MAGI1: variants seen among roughly 807,000 people sequenced by gnomAD.
The protein encoded by MAGI1 is membrane associated guanylate kinase, WW and PDZ domain containing 1, also known as membrane-associated guanylate kinase, WW and PDZ domain-containing protein 1.
MAGI1 carries 58 observed loss-of-function variants against 139.9 expected under a neutral mutation model. That is an observed-to-expected ratio of 0.41 (90% CI 0.34 to 0.52). The LOEUF (loss-of-function observed/expected upper bound fraction) is 0.52. MAGI1 is among the 20% of genes least tolerant of loss of function. The pLI is 0.12. For missense variants in MAGI1, 1,874 were observed against 1,901.6 expected, an observed-to-expected ratio of 0.99 and a Z score of 0.27; for synonymous variants, 812 against 737.9, an observed-to-expected ratio of 1.10 and a Z score of -1.63.
intron 3 of MAGI1, among the ~76,000 whole-genome samples, chr3:65,483,717 T>C (rs1404565071): frequency 6.6e-6 from 1 of 152,196 alleles, no homozygotes; most frequent in Non-Finnish European, 1.5e-5. Context: ...TTTTCAGAAC[T>C]GGTTCTACAA....
rs71102860 is a variant in MAGI1, at chr3:65,468,367, C to CT, written c.959+1915dup. On this transcript the variant is annotated intron_variant, in intron 5 of 22. Transcript: ENST00000402939. ...CGGGTAGATTCTCAAAGAGGGTATTCTTTTTTTTTTTTTTTTTTTTTTTTT... is the reference window on the plus strand; with the variant it reads ...CGGGTAGATTCTCAAAGAGGGTATTCTTTTTTTTTTTTTTTTTTTTTTTTTT... Among the ~76,000 whole-genome samples the CT allele has an allele frequency of 3.1e-3, 189 of 61,376 alleles. 18 individuals carry two copies. The highest frequency in any genetic ancestry group is 0.013 in the African/African-American group (182 of 14,538). The allele number at this position is 61,376 out of a possible 152,430, so 40.3% of individuals were successfully genotyped here. A position where few individuals can be genotyped will look rare whatever the true frequency, so the allele number is the denominator to read the frequency against.
At chr3:65,949,185 A>C (rs2063678830) in intron 1 of MAGI1, among the ~76,000 whole-genome samples, 1 of 152,224 alleles carries the variant, frequency 6.6e-6, no homozygotes, top group Non-Finnish European at 1.5e-5. Context: ...CACGTGTCAT[A>C]TCAGAAACCT....
rs566777094 is a variant in MAGI1, at chr3:65,905,744, A to G, written c.313+132252T>C. 2.0e-5 allele frequency among the ~76,000 whole-genome samples: 3 copies of G among 152,334 alleles called. No homozygotes were observed. The East Asian group carries it at 5.8e-4, about 29-fold the overall frequency. On this transcript the variant is annotated intron_variant, in intron 1 of 22. Transcript: ENST00000402939. Reference sequence around the variant, plus strand: ...CAGGTCTACAGAGCAAATTTAGAGTACACTACTCAGAAGTTACAGAAAAAG... The same window carrying G: ...CAGGTCTACAGAGCAAATTTAGAGTGCACTACTCAGAAGTTACAGAAAAAG...
At chr3:65,633,917 G>A (rs982450988) in intron 1 of MAGI1, among the ~76,000 whole-genome samples, 20 of 152,180 alleles carry the variant, frequency 1.3e-4, no homozygotes, top group Non-Finnish European at 2.4e-4. Flanking sequence ...AAAGATACGG[G>A]TGTCTGTGCC....
intron 1 of MAGI1, among the ~76,000 whole-genome samples, chr3:65,880,920 T>TGTGTGTGTGTGTGG (rs1047189746): frequency 6.6e-6 from 1 of 151,926 alleles, no homozygotes; most frequent in African/African-American, 2.4e-5. Context: ...TGTGTGTGTG[T>TGTGTGTGTGTGTGG]GTGTGTGTGT....
chr3:65,807,419 C>A (rs2040931985), intron 1 of MAGI1, among the ~76,000 whole-genome samples: 1 of 152,168 alleles, frequency 6.6e-6, no homozygotes. Context: ...AGAGCTCCAC[C>A]CTCGTGACTT....
intron 1 of MAGI1, among the ~76,000 whole-genome samples, chr3:65,795,066 G>A (rs192676853): frequency 1.4e-4 from 22 of 152,254 alleles, no homozygotes; most frequent in African/African-American, 5.3e-4. Context: ...ACACTAGTGA[G>A]GTCACGGAAA....
chr3:65,605,214 T>C (rs1046820041), intron 2 of MAGI1, among the ~76,000 whole-genome samples: 2 of 152,188 alleles, frequency 1.3e-5, no homozygotes, highest in African/African-American at 2.4e-5. Context: ...ATCCTTAAAA[T>C]TGCACAATTT....
chr3:65,624,528 A>AATC (rs1255740680), intron 1 of MAGI1, among the ~76,000 whole-genome samples: 3 of 152,232 alleles, frequency 2.0e-5, no homozygotes, highest in African/African-American at 4.8e-5. Context: ...AAAAGATAAA[A>AATC]TATTGCATGA....
intron 1 of MAGI1, among the ~76,000 whole-genome samples, chr3:66,015,179 C>CAAA (rs11361856): frequency 6.1e-5 from 6 of 98,002 alleles, no homozygotes; most frequent in African/African-American, 1.6e-4. Context: ...CCTGTCTCTA[C>CAAA]AAAAAAAAAA....
chr3:65,716,194 G>A (rs2032223802), intron 1 of MAGI1, among the ~76,000 whole-genome samples: 1 of 152,160 alleles, frequency 6.6e-6, no homozygotes, highest in South Asian at 2.1e-4. Context: ...TCAGATTCAG[G>A]ACTAGCCTAA....
At chr3:65,684,801 A>C (rs1187308036) in intron 1 of MAGI1, among the ~76,000 whole-genome samples, 1 of 151,646 alleles carries the variant, frequency 6.6e-6, no homozygotes, top group African/African-American at 2.4e-5. Flanking sequence ...TCCCAGGCTC[A>C]AGCAATCCAC....
At chr3:65,864,628 A>C (rs372113708) in intron 1 of MAGI1, among the ~76,000 whole-genome samples, 2 of 152,326 alleles carry the variant, frequency 1.3e-5, no homozygotes, top group East Asian at 3.9e-4. Flanking sequence ...CCCAGATTGA[A>C]CCAGGTTACT....
At chr3:65,975,818 T>C (rs2065238450) in intron 1 of MAGI1, among the ~76,000 whole-genome samples, 1 of 152,186 alleles carries the variant, frequency 6.6e-6, no homozygotes, top group African/African-American at 2.4e-5. Flanking sequence ...TCTGACCGTA[T>C]CAAGCCTGAG....
At chr3:65,892,924 C>T (rs1016566694) in intron 1 of MAGI1, among the ~76,000 whole-genome samples, 2 of 152,122 alleles carry the variant, frequency 1.3e-5, no homozygotes, top group Non-Finnish European at 2.9e-5. Context: ...GAGGCAGAAA[C>T]AAACAGAAAT....
chr3:65,705,440 C>G (rs1216039389), intron 1 of MAGI1, among the ~76,000 whole-genome samples: 1 of 152,182 alleles, frequency 6.6e-6, no homozygotes, highest in Non-Finnish European at 1.5e-5. Flanking sequence ...TGAGCATTCA[C>G]TGAATTGTAT....
At chr3:65,634,491 A>C (rs2084489738) in intron 1 of MAGI1, among the ~76,000 whole-genome samples, 1 of 152,192 alleles carries the variant, frequency 6.6e-6, no homozygotes. Context: ...ATTAGTTCAG[A>C]TCGAGGCCCC....
At chr3:65,561,274 G>T (rs988981320) in intron 2 of MAGI1, among the ~76,000 whole-genome samples, 1 of 152,110 alleles carries the variant, frequency 6.6e-6, no homozygotes, top group Admixed American at 6.6e-5. Flanking sequence ...AAAGTATTTT[G>T]AGAGCTTTTG....
chr3:65,851,381 A>G (rs2059196063), intron 1 of MAGI1, among the ~76,000 whole-genome samples: 3 of 152,174 alleles, frequency 2.0e-5, no homozygotes, highest in African/African-American at 4.8e-5. Context: ...ACTTATGAGT[A>G]TTACATTGTT....
Sources: allele counts gnomAD v4.1 joint callset (sites outside exome capture counted in the v4.1 genomes callset), GRCh38; gene constraint gnomAD v4.1.1; transcripts MANE v1.5; gene names NCBI Gene and HGNC (gene_info 2026-07-23, HGNC 2026-07-21).